Variants in SHISA6 observed in about 807,000 individuals in gnomAD.
The protein encoded by SHISA6 is protein shisa-6.
Under a neutral mutation model 47.9 loss-of-function variants are expected in SHISA6, and 22 were observed. The ratio of observed to expected loss-of-function variants is 0.46; its 90% CI spans 0.33 to 0.66. The LOEUF (loss-of-function observed/expected upper bound fraction) is 0.66, where lower values mean the gene tolerates loss of function less well. Ranked by LOEUF, SHISA6 falls within the 30% of genes least tolerant of loss-of-function variation. The pLI is 0.02. For missense variants in SHISA6, 680 were observed against 764.6 expected (o/e 0.89, Z 1.30); for synonymous variants, 388 against 337.8 (o/e 1.15, Z -1.63).
chr17:11,331,005 G>A (rs1308303608), intron 2 of SHISA6, among the ~76,000 whole-genome samples: 1 of 152,204 alleles, frequency 6.6e-6, no homozygotes, highest in Admixed American at 6.5e-5. Flanking sequence ...GATAACTGAA[G>A]TTAGAAATGC....
chr17:11,551,757 A>G, intron 3 of SHISA6, 139 bp from the exon 4 acceptor site: 1 of 718,556 alleles, frequency 1.4e-6, no homozygotes, highest in Admixed American at 2.5e-5. Flanking sequence ...GGAGCCTCAT[A>G]CAATGACCTC....
intron 2 of SHISA6, among the ~76,000 whole-genome samples, chr17:11,279,194 A>G (rs929492949): frequency 1.3e-5 from 2 of 152,252 alleles, no homozygotes; most frequent in Non-Finnish European, 1.5e-5. Flanking sequence ...CCACAACTTC[A>G]GCTCCAGGGC....
chr17:11,241,454 TG>T lies in SHISA6; in HGVS notation c.33del (p.Leu12SerfsTer24). MALRRLLLLL[L>X]LSLESLDLLP... is the part of the protein sequence containing the mutation. ...CTGCGGCGCCTCCTGCTGCTGCTGC[TG>T]CTCTCGCTGGAGTCCCTGGACCTGC... On this transcript the variant is annotated frameshift_variant, in exon 1 of 6. Coordinates refer to ENST00000441885, the MANE Select transcript of SHISA6 (RefSeq NM_207386.4). LOFTEE classifies it high-confidence loss of function. The surrounding 1 kb of genome is among the most constrained non-coding windows in gnomAD (Gnocchi z 5.5). 2 of 1,207,080 alleles carry T rather than the reference TG, an allele frequency of 1.7e-6. No individual in the cohort carries two copies. Among genetic ancestry groups the T allele is most frequent in the Non-Finnish European group, 1.0e-6 (1 of 954,388 alleles). 74.8% of individuals were successfully genotyped at this position (1,207,080 alleles called of 1,614,324 possible).
intron 3 of SHISA6, among the ~76,000 whole-genome samples, chr17:11,496,695 C>T (rs755610073): frequency 1.6e-4 from 24 of 150,486 alleles, no homozygotes; most frequent in African/African-American, 5.2e-4. Flanking sequence ...GCCAAGATCG[C>T]GCCACTGCAA....
At position 11,263,522 on chromosome 17, in the gene SHISA6, T is replaced by C. The variant is rs1168418631; in HGVS notation, c.795T>C (p.Thr265=). The C allele has an allele frequency of 1.3e-6, 2 of 1,551,464 alleles. No homozygotes were observed. Among genetic ancestry groups the C allele is most frequent in the Non-Finnish European group, 8.7e-7 (1 of 1,146,962 alleles). Residue 265 remains threonine, a synonymous_variant, in exon 2 of 6, where the codon ACT becomes ACC. Coordinates refer to ENST00000441885, the MANE Select transcript of SHISA6 (RefSeq NM_207386.4). ...HYTPVRTAKQ[T]PGHYGKDAYR... is the part of the protein sequence containing the mutation. Reference sequence around the variant, plus strand: ...CTCCTGTGCGTACGGCCAAGCAGACTCCAGGTAAGTAACAGCTGGGCACCT... The same window carrying C: ...CTCCTGTGCGTACGGCCAAGCAGACCCCAGGTAAGTAACAGCTGGGCACCT...
chr17:11,498,018 GT>G (rs946630930), intron 3 of SHISA6, among the ~76,000 whole-genome samples: 1 of 152,160 alleles, frequency 6.6e-6, no homozygotes, highest in Non-Finnish European at 1.5e-5. Flanking sequence ...TAAATACAGT[GT>G]TTTTGGAAGA....
intron 3 of SHISA6, among the ~76,000 whole-genome samples, chr17:11,536,825 G>C (rs2071792180): frequency 6.6e-6 from 1 of 152,128 alleles, no homozygotes; most frequent in Non-Finnish European, 1.5e-5. Context: ...GGATATTCCT[G>C]AGTTTTCCCT....
intron 3 of SHISA6, among the ~76,000 whole-genome samples, chr17:11,435,319 TG>T (rs1914906984): frequency 1.3e-5 from 2 of 152,312 alleles, no homozygotes; most frequent in South Asian, 4.2e-4. Flanking sequence ...CCCTGAGGTC[TG>T]AACAGGAAAA....
Position 11,411,740 on chromosome 17 carries a change from A to G in SHISA6, c.895+32231A>G, listed in dbSNP as rs1219348400. Among the ~76,000 whole-genome samples, 3 of 152,294 alleles carry G rather than the reference A, an allele frequency of 2.0e-5. No homozygotes were observed. In the East Asian group the frequency reaches 5.8e-4, roughly 29 times the overall value. ...TCACTGAGGGTATCACAGATTGCCC[A>G]AGGCTGGCATGGAGAACCTCTGCAT... On this transcript the variant is annotated intron_variant, in intron 3 of 5. Transcript: ENST00000441885.
chr17:11,458,336 T>C (rs1226961121), intron 3 of SHISA6, among the ~76,000 whole-genome samples: 3 of 152,144 alleles, frequency 2.0e-5, no homozygotes, highest in Admixed American at 2.0e-4. Flanking sequence ...TGGGCTCTGA[T>C]AGTAATGTTC....
chr17:11,465,534 C>G (rs1310660213), intron 3 of SHISA6, among the ~76,000 whole-genome samples: 2 of 152,144 alleles, frequency 1.3e-5, no homozygotes, highest in Non-Finnish European at 2.9e-5. Flanking sequence ...TCCCAGGTAG[C>G]TGGGACCAGG....
chr17:11,263,568 T>TGGGG (rs1398766364), intron 2 of SHISA6, 42 bp downstream of exon 2: 1 of 1,549,124 alleles, frequency 6.5e-7, no homozygotes, highest in East Asian at 2.4e-5. Context: ...CTGAGGCTGG[T>TGGGG]GAGAGGTTTC....
At chr17:11,364,457 A>G (rs867786408) in intron 2 of SHISA6, among the ~76,000 whole-genome samples, 1 of 152,222 alleles carries the variant, frequency 6.6e-6, no homozygotes, top group South Asian at 2.1e-4. Flanking sequence ...TTAACGTTAT[A>G]TTAGTGAGAG....
chr17:11,342,054 C>A (rs1911549246), intron 2 of SHISA6, among the ~76,000 whole-genome samples: 1 of 152,008 alleles, frequency 6.6e-6, no homozygotes, highest in African/African-American at 2.4e-5. Context: ...GGCAAACTTT[C>A]CTCTGGCCTC....
chr17:11,394,157 C>T (rs1304695826), intron 3 of SHISA6, among the ~76,000 whole-genome samples: 2 of 152,290 alleles, frequency 1.3e-5, no homozygotes, highest in East Asian at 1.9e-4. Context: ...ATGGCTAGCA[C>T]AGTGCCTGGC....
At chr17:11,299,112 A>C (rs1909841255) in intron 2 of SHISA6, among the ~76,000 whole-genome samples, 1 of 152,240 alleles carries the variant, frequency 6.6e-6, no homozygotes, top group East Asian at 1.9e-4. Flanking sequence ...TAAAAGAGCT[A>C]CTCTTCAGTA....
rs1180692594 is a variant in SHISA6, at chr17:11,562,522, A to G, written c.*4218A>G. ...GCAGCATTTTAATGGCAGATTCAAT[A>G]TGAAGGACATGTCTTCCTGGGCTCT... is the stretch of plus-strand genomic sequence containing the variant. On this transcript the variant is annotated 3_prime_UTR_variant, in exon 6 of 6. Transcript: ENST00000441885. 1 of 152,116 alleles carries G rather than the reference A, an allele frequency of 6.6e-6. No individual in the cohort carries two copies. The highest frequency in any genetic ancestry group is 1.5e-5 in the Non-Finnish European group (1 of 68,028). The allele number at this position is 152,116 out of a possible 1,614,324, so 9.4% of individuals were successfully genotyped here.
chr17:11,282,453 G>T (rs1002033983), intron 2 of SHISA6, among the ~76,000 whole-genome samples: 1 of 151,632 alleles, frequency 6.6e-6, no homozygotes, highest in Non-Finnish European at 1.5e-5. Context: ...CAACATGCAG[G>T]TTTGATATAT....
chr17:11,346,893 G>T (rs571950216), intron 2 of SHISA6, among the ~76,000 whole-genome samples: 1 of 152,258 alleles, frequency 6.6e-6, no homozygotes, highest in Admixed American at 6.5e-5. Flanking sequence ...GTCTACTGAT[G>T]ATATTCTCCT....
Sources: allele counts gnomAD v4.1 joint callset (sites outside exome capture counted in the v4.1 genomes callset), GRCh38; gene constraint gnomAD v4.1.1; non-coding constraint Gnocchi (gnomAD v3.1); transcripts MANE v1.5; gene names NCBI Gene and HGNC (gene_info 2026-07-23, HGNC 2026-07-21).